DOC2A: variants seen among roughly 807,000 people sequenced by gnomAD.
DOC2A encodes the protein double C2-like domain-containing protein alpha.
A neutral mutation model predicts 40.6 loss-of-function variants in DOC2A; 28 were observed. That is an observed-to-expected ratio of 0.69 (90% CI 0.51 to 0.95). DOC2A has a LOEUF of 0.95. DOC2A is among the 40% of genes least tolerant of loss of function. The probability of loss-of-function intolerance (pLI) is 0.00; values close to 1 mark genes in which losing one functional copy is unlikely to be tolerated. For missense variants in DOC2A, 474 were observed against 552.5 expected (o/e 0.86, Z 1.42); for synonymous variants, 241 against 236.9 (o/e 1.02, Z -0.16).
At position 30,006,274 on chromosome 16, in the gene DOC2A, C is replaced by A; in HGVS notation, c.1115G>T (p.Cys372Phe). 6.2e-7 allele frequency: 1 copy of A among 1,606,040 alleles called. No individual in the cohort carries two copies. The change falls in exon 11 of 11, where the codon TGC becomes TTC. Residue 372 changes from cysteine (C) to phenylalanine (F), a missense_variant. By Grantham distance (205) the Cys-to-Phe change is radical. Coordinates refer to ENST00000350119, the MANE Select transcript of DOC2A (RefSeq NM_003586.3). The surrounding 1 kb of genome is among the most constrained non-coding windows in gnomAD (Gnocchi z 6.2). ...RGEARKHWSD[C>F]LQQPDAALER... Reference sequence around the variant, plus strand: ...CAGGGCTGCGTCCGGCTGCTGCAGGCAGTCACTCCAGTGCTTCCGAGCCTC... The same window carrying A: ...CAGGGCTGCGTCCGGCTGCTGCAGGAAGTCACTCCAGTGCTTCCGAGCCTC...
At chr16:30,014,122 T>G (rs1596712958), upstream of DOC2A, among the ~76,000 whole-genome samples, 1 of 150,368 alleles carries the variant, frequency 6.7e-6, no homozygotes, top group Admixed American at 6.6e-5. Context: ...TTCCATGCAG[T>G]GAAATAGGGT....
At chr16:30,014,618 G>A (rs543088942), upstream of DOC2A, among the ~76,000 whole-genome samples, 1 of 149,878 alleles carries the variant, frequency 6.7e-6, no homozygotes, top group African/African-American at 2.5e-5. Flanking sequence ...CTGGGCGACA[G>A]AACGAGACTC....
upstream of DOC2A, among the ~76,000 whole-genome samples, chr16:30,022,330 G>A (rs574055759): frequency 6.7e-6 from 1 of 149,118 alleles, no homozygotes; most frequent in East Asian, 2.0e-4. Context: ...TTTGTGCAAG[G>A]TACTTGGCCA....
chr16:30,007,796 G>A (rs1011391454), intron 5 of DOC2A: 6 of 240,760 alleles, frequency 2.5e-5, no homozygotes, highest in African/African-American at 1.3e-4. Context: ...CCTCCGCAGT[G>A]ACCCACTACC....
chr16:30,006,711 G>T lies in DOC2A; in HGVS notation c.879-34C>A, dbSNP rs778003829. 4.3e-6 allele frequency: 7 copies of T among 1,613,654 alleles called. No homozygotes were observed. The highest frequency in any genetic ancestry group is 2.7e-5 in the African/African-American group (2 of 74,794). On this transcript the variant is annotated intron_variant, in intron 8 of 10. Transcript: ENST00000350119. This position sits in a 1 kb window ranked among gnomAD's most constrained non-coding sequence, Gnocchi z 6.2. ...GGGGTGGAGGGAGACGAACTGAGGGGTGAGGGACAGGCCAGGCCCAACTCA... is the reference window on the plus strand; with the variant it reads ...GGGGTGGAGGGAGACGAACTGAGGGTTGAGGGACAGGCCAGGCCCAACTCA...
chr16:30,009,337 T>TAG lies in DOC2A; in HGVS notation c.343-63_343-62dup. ...CCGGCACCTCTCTCCATCCCTCTTG[T>TAG]AGAGCTGGACCCTGGAGGAGCCCAG... On this transcript the variant is annotated intron_variant, in intron 3 of 10. Coordinates refer to ENST00000350119, the MANE Select transcript of DOC2A (RefSeq NM_003586.3). The surrounding 1 kb of genome is among the most constrained non-coding windows in gnomAD (Gnocchi z 4.1). The TAG allele has an allele frequency of 3.3e-6, 5 of 1,512,810 alleles. No homozygotes were observed. The Middle Eastern group carries it at 6.4e-4, about 194-fold the overall frequency. The allele number at this position is 1,512,810 out of a possible 1,614,324, so 93.7% of individuals were successfully genotyped here.
intron 1 of DOC2A, among the ~76,000 whole-genome samples, chr16:30,020,287 A>G (rs1281287630): frequency 6.6e-6 from 1 of 151,978 alleles, no homozygotes; most frequent in Non-Finnish European, 1.5e-5. Context: ...CAAGTGATCC[A>G]CCCATCTTGG....
upstream of DOC2A, chr16:30,013,597 C>T (rs2070819126): frequency 2.9e-5 from 1 of 34,608 alleles, no homozygotes; most frequent in Admixed American, 2.5e-4. Context: ...GAGTGAGACC[C>T]TGTCTCAAAA....
In DOC2A at chr16:30,006,290, TC is replaced by T; in HGVS notation, c.1098del (p.Lys367SerfsTer20). On this transcript the variant is annotated frameshift_variant, in exon 11 of 11. Coordinates refer to ENST00000350119, the MANE Select transcript of DOC2A (RefSeq NM_003586.3). LOFTEE classifies it high-confidence loss of function. The surrounding 1 kb of genome is among the most constrained non-coding windows in gnomAD (Gnocchi z 6.2). ...TGCTGCAGGCAGTCACTCCAGTGCTTCCGAGCCTCGCCTCGGGCACCTGGCC... is the reference window on the plus strand; with the variant it reads ...TGCTGCAGGCAGTCACTCCAGTGCTTCGAGCCTCGCCTCGGGCACCTGGCC... ...SLGPGARGEA[R>X]KHWSDCLQQP... 6.2e-7 allele frequency: 1 copy of T among 1,609,604 alleles called. No homozygotes were observed. Among genetic ancestry groups the T allele is most frequent in the Non-Finnish European group, 8.5e-7 (1 of 1,178,678 alleles).
At position 30,010,331 on chromosome 16, in the gene DOC2A, G is replaced by A. The variant is rs1385916343; in HGVS notation, c.-13-96C>T. The A allele has an allele frequency of 1.3e-6, 2 of 1,526,960 alleles. No homozygotes were observed. The highest frequency in any genetic ancestry group is 1.7e-5 in the Admixed American group (1 of 59,706). The allele number at this position is 1,526,960 out of a possible 1,614,324, so 94.6% of individuals were successfully genotyped here. A position where few individuals can be genotyped will look rare whatever the true frequency, so the allele number is the denominator to read the frequency against. On this transcript the variant is annotated intron_variant, in intron 1 of 10. Transcript: ENST00000350119. This position sits in a 1 kb window ranked among gnomAD's most constrained non-coding sequence, Gnocchi z 4.2. ...TCCTCGGTCTGTGGGGCCCTCACTG[G>A]CCTCCCTTCCTAGGTGTCGAGGGAG...
In DOC2A at chr16:30,006,785, G is replaced by A. The variant is rs768100473; in HGVS notation, c.878C>T (p.Thr293Met). Reference protein sequence around the residue: ...VNGYSDPYVKTYLRPDVDKKS... With the variant: ...VNGYSDPYVKMYLRPDVDKKS... ...GGAGAGGGTCAGAGCAAGGGCTCAC[G>A]TCTTGACGTAGGGGTCCGAGTAACC... Residue 293 changes from threonine to methionine, a missense_variant and splice_region_variant, in exon 8 of 11, where the codon ACG becomes ATG. Physicochemically the swap from Thr to Met is moderately conservative, Grantham distance 81. Transcript: ENST00000350119. This position sits in a 1 kb window ranked among gnomAD's most constrained non-coding sequence, Gnocchi z 6.2. The A allele has an allele frequency of 3.7e-6, 6 of 1,613,664 alleles. No individual in the cohort carries two copies. Among genetic ancestry groups the A allele is most frequent in the Admixed American group, 1.7e-5 (1 of 59,982 alleles).
intron 1 of DOC2A, among the ~76,000 whole-genome samples, chr16:30,017,697 C>T (rs1159802650): frequency 6.6e-6 from 1 of 152,104 alleles, no homozygotes; most frequent in Non-Finnish European, 1.5e-5. Flanking sequence ...TGGCTCATGC[C>T]TGTAATCCCA....
In DOC2A at chr16:30,008,849, G is replaced by A. The variant is rs2070694676; in HGVS notation, c.527+147C>T. The A allele has an allele frequency of 4.6e-6, 3 of 653,318 alleles. No individual in the cohort carries two copies. The African/African-American group carries it at 5.4e-5, about 12-fold the overall frequency. The allele number at this position is 653,318 out of a possible 1,614,324, so 40.5% of individuals were successfully genotyped here. A position where few individuals can be genotyped will look rare whatever the true frequency, so the allele number is the denominator to read the frequency against. ...GCAGGAATGGCAGGGAAGAATTTTGGCCTGCTGCCAAAGGGGCTAGGGAGC... is the reference window on the plus strand; with the variant it reads ...GCAGGAATGGCAGGGAAGAATTTTGACCTGCTGCCAAAGGGGCTAGGGAGC... On this transcript the variant is annotated intron_variant, in intron 5 of 10. Transcript: ENST00000350119.
upstream of DOC2A, chr16:30,011,089 G>T (rs940776301): frequency 6.3e-6 from 6 of 947,746 alleles, no homozygotes; most frequent in African/African-American, 5.3e-5. Flanking sequence ...CGGGGGACGG[G>T]GAGGGGCGCT....
Position 30,009,699 on chromosome 16 carries a change from G to GT in DOC2A, c.263-143dup. ...CAAGAGGCTGAGTGGGCCCATGCGT[G>GT]TGTGCGTCTGGGTCCCTGGCTCGGC... On this transcript the variant is annotated intron_variant, in intron 2 of 10. Coordinates refer to ENST00000350119, the MANE Select transcript of DOC2A (RefSeq NM_003586.3). This position sits in a 1 kb window ranked among gnomAD's most constrained non-coding sequence, Gnocchi z 4.1. The GT allele has an allele frequency of 1.1e-6, 1 of 900,928 alleles. No individual in the cohort carries two copies. The highest frequency in any genetic ancestry group is 1.8e-6 in the Non-Finnish European group (1 of 566,510). The allele number at this position is 900,928 out of a possible 1,614,324, so 55.8% of individuals were successfully genotyped here. A position where few individuals can be genotyped will look rare whatever the true frequency, so the allele number is the denominator to read the frequency against.
upstream of DOC2A, among the ~76,000 whole-genome samples, chr16:30,021,872 C>A (rs1057044418): frequency 6.7e-6 from 1 of 148,776 alleles, no homozygotes; most frequent in Non-Finnish European, 1.5e-5. Context: ...AGAGAGGAAC[C>A]CCCCCCCCAG....
intron 1 of DOC2A, among the ~76,000 whole-genome samples, chr16:30,019,529 T>A (rs1019355839): frequency 2.6e-5 from 4 of 152,206 alleles, no homozygotes; most frequent in Non-Finnish European, 4.4e-5. Flanking sequence ...GTTTATGTCA[T>A]GGATGAATAA....
upstream of DOC2A, among the ~76,000 whole-genome samples, chr16:30,016,045 ATATATATATATT>A (rs1413720094): frequency 3.5e-4 from 8 of 22,818 alleles, no homozygotes; most frequent in African/African-American, 1.2e-3. Flanking sequence ...ATATATATAT[ATATATATATATT>A]TTTTTTTTTT....
chr16:30,016,057 T>A (rs1399406416), upstream of DOC2A, among the ~76,000 whole-genome samples: 160 of 21,282 alleles, frequency 7.5e-3, no homozygotes, highest in African/African-American at 0.011. Flanking sequence ...ATATATATAT[T>A]TTTTTTTTTT....
Sources: gnomAD v4.1 joint callset for allele counts (sites outside exome capture counted in the v4.1 genomes callset) on GRCh38, gnomAD v4.1.1 for gene constraint, Gnocchi (gnomAD v3.1) non-coding constraint, MANE v1.5 for transcripts, NCBI Gene and HGNC (gene_info 2026-07-23, HGNC 2026-07-21) for gene names.